Variants in LRRC37A2 observed in about 807,000 individuals in gnomAD.
The protein encoded by LRRC37A2 is leucine-rich repeat-containing protein 37A2.
Under a neutral mutation model 68.8 loss-of-function variants are expected in LRRC37A2, and 9 were observed. The observed-to-expected ratio is 0.13, with a 90% CI of 0.08 to 0.23. The LOEUF is 0.23. Ranked by LOEUF, LRRC37A2 falls within the 10% of genes least tolerant of loss-of-function variation. LRRC37A2 has a pLI of 1.00. For synonymous variants in LRRC37A2, 63 were observed against 367.6 expected, an observed-to-expected ratio of 0.17 and a Z score of 9.48; for missense variants, 168 against 950.4, an observed-to-expected ratio of 0.18 and a Z score of 10.82.
chr17:46,786,011 GT>G, the LRRC37A2 span, among the ~76,000 whole-genome samples: 1 of 152,224 alleles, frequency 6.6e-6, no homozygotes, highest in African/African-American at 2.4e-5. Flanking sequence ...GTTTAAACCT[GT>G]TTTTTGTTGT....
At chr17:46,851,012 CTT>C in the LRRC37A2 span, among the ~76,000 whole-genome samples, 4 of 152,348 alleles carry the variant, frequency 2.6e-5, no homozygotes, top group East Asian at 1.9e-4. The surrounding 1 kb of genome is among the most constrained non-coding windows in gnomAD (Gnocchi z 4.3). Flanking sequence ...GCCCAAGACT[CTT>C]TGCCTGGCAA....
chr17:47,037,350 C>A, the LRRC37A2 span, among the ~76,000 whole-genome samples: 6 of 152,116 alleles, frequency 3.9e-5, no homozygotes, highest in Admixed American at 3.9e-4. Flanking sequence ...GATGATCCAC[C>A]TGCTTCAGCC....
the LRRC37A2 span, among the ~76,000 whole-genome samples, chr17:46,985,193 C>T: frequency 6.6e-6 from 1 of 152,138 alleles, no homozygotes; most frequent in African/African-American, 2.4e-5. Flanking sequence ...CGAGGTTGGC[C>T]CCTGCTCAGT....
chr17:46,910,728 T>C, the LRRC37A2 span, among the ~76,000 whole-genome samples: 1 of 152,130 alleles, frequency 6.6e-6, no homozygotes, highest in South Asian at 2.1e-4. Flanking sequence ...GGAGCTGGGA[T>C]CTGAGCCAGC....
chr17:46,872,437 C>G, the LRRC37A2 span: 36 of 1,415,954 alleles, frequency 2.5e-5, 1 homozygote, highest in Non-Finnish European at 3.2e-5. Flanking sequence ...AATGAAGCCC[C>G]TGAGGAGGCC....
At chr17:47,039,957 T>C in the LRRC37A2 span, among the ~76,000 whole-genome samples, 2 of 151,878 alleles carry the variant, frequency 1.3e-5, no homozygotes, top group Non-Finnish European at 2.9e-5. Context: ...GAACCTCTAA[T>C]AATTTTTCCA....
chr17:46,781,528 C>G, the LRRC37A2 span, among the ~76,000 whole-genome samples: 1 of 152,146 alleles, frequency 6.6e-6, no homozygotes, highest in Non-Finnish European at 1.5e-5. Flanking sequence ...ATTCCACTTA[C>G]ATGAGGTGTC....
chr17:46,982,556 A>G, the LRRC37A2 span, among the ~76,000 whole-genome samples: 1 of 152,190 alleles, frequency 6.6e-6, no homozygotes, highest in Non-Finnish European at 1.5e-5. Flanking sequence ...AAACAGCGGC[A>G]CTGACTGTTT....
At chr17:46,758,799 CTTG>C in the LRRC37A2 span, among the ~76,000 whole-genome samples, 6 of 152,314 alleles carry the variant, frequency 3.9e-5, no homozygotes, top group African/African-American at 1.4e-4. Context: ...GATCAACAGA[CTTG>C]TTGAAACAGT....
the LRRC37A2 span, chr17:46,876,689 G>A: frequency 1.9e-6 from 3 of 1,572,410 alleles, no homozygotes; most frequent in Non-Finnish European, 2.6e-6. Context: ...ATGTGTGCAG[G>A]AGGAGCTTGT....
At chr17:46,976,004 G>A in the LRRC37A2 span, among the ~76,000 whole-genome samples, 8 of 152,140 alleles carry the variant, frequency 5.3e-5, no homozygotes, top group South Asian at 6.2e-4. Flanking sequence ...TCGGCTCACT[G>A]CAAGCTCCGC....
the LRRC37A2 span, chr17:47,033,163 G>A: frequency 1.7e-6 from 1 of 581,484 alleles, no homozygotes; most frequent in Non-Finnish European, 2.9e-6. Flanking sequence ...TTTGCAGTGA[G>A]CCAAGATCAC....
the LRRC37A2 span, among the ~76,000 whole-genome samples, chr17:46,966,258 G>A: frequency 6.6e-6 from 1 of 152,204 alleles, no homozygotes; most frequent in Admixed American, 6.5e-5. Flanking sequence ...GTAATTGAGA[G>A]TATGAAATGT....
chr17:46,855,437 C>G, the LRRC37A2 span, among the ~76,000 whole-genome samples: 2 of 152,194 alleles, frequency 1.3e-5, no homozygotes, highest in Admixed American at 1.3e-4. Flanking sequence ...CAAGCTAGTC[C>G]TGGCTCTGGG....
chr17:46,631,061 T>TACACACACACACACAC, the LRRC37A2 span, among the ~76,000 whole-genome samples: 1,439 of 122,686 alleles, frequency 0.012, 31 homozygotes, highest in African/African-American at 0.024. Flanking sequence ...TCTCTCTCTG[T>TACACACACACACACAC]ACACACACAC....
the LRRC37A2 span, among the ~76,000 whole-genome samples, chr17:46,737,604 T>A: frequency 1.4e-5 from 2 of 147,584 alleles, no homozygotes; most frequent in African/African-American, 4.9e-5. Flanking sequence ...TGTGTGTGTG[T>A]TTTCTGATCC....
chr17:46,818,331 G>A, the LRRC37A2 span, among the ~76,000 whole-genome samples: 2 of 149,394 alleles, frequency 1.3e-5, no homozygotes, highest in African/African-American at 4.9e-5. Context: ...GATTATCAGA[G>A]GAGCCAGGAG....
At chr17:46,954,134 G>C in the LRRC37A2 span, among the ~76,000 whole-genome samples, 2 of 152,190 alleles carry the variant, frequency 1.3e-5, no homozygotes, top group Non-Finnish European at 2.9e-5. Flanking sequence ...GAATGGTATT[G>C]CCTAGGTTTT....
the LRRC37A2 span, among the ~76,000 whole-genome samples, chr17:47,000,023 T>C: frequency 1.3e-5 from 1 of 75,530 alleles, no homozygotes; most frequent in African/African-American, 5.3e-5. Flanking sequence ...TAAAATAAAA[T>C]AAAATAAAAT....
Sources: gnomAD v4.1 joint callset for allele counts (sites outside exome capture counted in the v4.1 genomes callset) on GRCh38, gnomAD v4.1.1 for gene constraint, Gnocchi (gnomAD v3.1) non-coding constraint, MANE v1.5 for transcripts, NCBI Gene and HGNC (gene_info 2026-07-23, HGNC 2026-07-21) for gene names.